The following MAN1A1 variants were observed in gnomAD, a reference collection of about 807,000 sequenced individuals.
The protein encoded by MAN1A1 is mannosyl-oligosaccharide 1,2-alpha-mannosidase IA.
MAN1A1 carries 29 observed loss-of-function variants against 70.8 expected under a neutral mutation model. The ratio of observed to expected loss-of-function variants is 0.41; its 90% confidence interval spans 0.31 to 0.56. MAN1A1 has a LOEUF of 0.56. Among genes scored for constraint, MAN1A1 ranks in the 20% least tolerant of loss-of-function variants. MAN1A1 has a pLI of 0.29. For missense variants in MAN1A1, 747 were observed against 841.3 expected, an observed-to-expected ratio of 0.89 and a Z score of 1.39; for synonymous variants, 349 against 330.1, an observed-to-expected ratio of 1.06 and a Z score of -0.62.
intron 11 of MAN1A1, 74 bp from the exon 12 acceptor site, chr6:119,180,501 G>C (rs1035578551): frequency 1.2e-6 from 1 of 807,248 alleles, no homozygotes; most frequent in Non-Finnish European, 2.1e-6. Flanking sequence ...TTATTAGATT[G>C]TCAAGTTCAG....
At chr6:119,259,545 G>C (rs943073109) in intron 5 of MAN1A1, among the ~76,000 whole-genome samples, 8 of 152,174 alleles carry the variant, frequency 5.3e-5, no homozygotes, top group Non-Finnish European at 1.2e-4. Context: ...CCATTAGGCA[G>C]GTGGTTTGTT....
At chr6:119,215,165 G>A (rs1283030977) in intron 6 of MAN1A1, among the ~76,000 whole-genome samples, 3 of 151,120 alleles carry the variant, frequency 2.0e-5, no homozygotes, top group African/African-American at 4.9e-5. Context: ...AAACCTGCAC[G>A]TTGTGTACAT....
chr6:119,298,368 A>G (rs1371582703), intron 4 of MAN1A1, among the ~76,000 whole-genome samples: 1 of 152,164 alleles, frequency 6.6e-6, no homozygotes, highest in African/African-American at 2.4e-5. Flanking sequence ...TCGACTTCCT[A>G]TGCCCTAATG....
intron 11 of MAN1A1, among the ~76,000 whole-genome samples, chr6:119,184,266 G>A (rs972009588): frequency 2.6e-5 from 4 of 152,170 alleles, no homozygotes; most frequent in African/African-American, 7.2e-5. Context: ...TTGGTTTTGA[G>A]TAAATGCTTC....
chr6:119,220,549 G>C (rs1253536462), intron 6 of MAN1A1, among the ~76,000 whole-genome samples: 1 of 151,994 alleles, frequency 6.6e-6, no homozygotes, highest in Non-Finnish European at 1.5e-5. Context: ...CTTTAAATGA[G>C]GACACTACAA....
chr6:119,270,698 C>T (rs553384375), intron 5 of MAN1A1, among the ~76,000 whole-genome samples: 6 of 152,154 alleles, frequency 3.9e-5, no homozygotes, highest in Non-Finnish European at 7.4e-5. Context: ...GACAATAGCC[C>T]GCTTGTGTCA....
In MAN1A1 at chr6:119,343,619, C is replaced by G. The variant is rs138020280; in HGVS notation, c.603+4844G>C. Among the ~76,000 whole-genome samples, 246 of 152,256 alleles carry G rather than the reference C, an allele frequency of 1.6e-3. 1 individual carries two copies. The highest frequency in any genetic ancestry group is 5.9e-3 in the African/African-American group (243 of 41,536). On this transcript the variant is annotated intron_variant, in intron 2 of 12. Transcript: ENST00000368468. ...CAAGCAAGGAACTAGGCTAAGAATA[C>G]TGAGGGAAAAGTCAAGACTTATTTC...
intron 2 of MAN1A1, 146 bp downstream of exon 2, chr6:119,348,317 A>C (rs760983871): frequency 1.3e-6 from 1 of 756,756 alleles, no homozygotes; most frequent in Non-Finnish European, 2.1e-6. Flanking sequence ...GAAAAGAAAG[A>C]GCTTTTGACA....
chr6:119,223,754 A>G (rs1774429463), intron 6 of MAN1A1, among the ~76,000 whole-genome samples: 1 of 152,120 alleles, frequency 6.6e-6, no homozygotes, highest in South Asian at 2.1e-4. Flanking sequence ...ATTATTGAGG[A>G]TATTTTAAAA....
Position 119,321,513 on chromosome 6 carries a change from C to T in MAN1A1, c.604-14521G>A, listed in dbSNP as rs1243980602. Among the ~76,000 whole-genome samples the T allele has an allele frequency of 3.3e-5, 5 of 152,120 alleles. No homozygotes were observed. The East Asian group carries it at 9.6e-4, about 29-fold the overall frequency. On this transcript the variant is annotated intron_variant, in intron 2 of 12. Coordinates refer to ENST00000368468, the MANE Select transcript of MAN1A1 (RefSeq NM_005907.4). ...GTCCCTCTCGCCTGCTTCCTTGGTC[C>T]TGTCTCAGAAGGTCACCTTCCCAAC...
chr6:119,291,901 CT>C (rs1772040888), intron 4 of MAN1A1, among the ~76,000 whole-genome samples: 1 of 151,968 alleles, frequency 6.6e-6, no homozygotes, highest in African/African-American at 2.4e-5. Flanking sequence ...TATATAGACT[CT>C]TTTAGTCCTC....
intron 4 of MAN1A1, among the ~76,000 whole-genome samples, chr6:119,294,791 A>G (rs1772153046): frequency 6.6e-6 from 1 of 152,094 alleles, no homozygotes; most frequent in Admixed American, 6.6e-5. Flanking sequence ...TCTAAATTGA[A>G]TTCATATAAA....
intron 6 of MAN1A1, among the ~76,000 whole-genome samples, chr6:119,230,284 T>C (rs529095720): frequency 2.0e-5 from 3 of 152,268 alleles, no homozygotes; most frequent in Admixed American, 2.0e-4. Flanking sequence ...GAGACAGGGA[T>C]GAGCAGGAAC....
chr6:119,250,673 T>TGC (rs1441602652), intron 5 of MAN1A1, among the ~76,000 whole-genome samples: 5 of 151,624 alleles, frequency 3.3e-5, no homozygotes, highest in African/African-American at 7.3e-5. Context: ...TGTGTGTGTG[T>TGC]GTGCGTGTCA....
intron 5 of MAN1A1, among the ~76,000 whole-genome samples, chr6:119,263,888 C>T (rs1328168973): frequency 2.0e-5 from 3 of 152,100 alleles, no homozygotes; most frequent in Admixed American, 6.5e-5. Context: ...TTTAACACTC[C>T]ATTTGATAAA....
In MAN1A1 at chr6:119,240,970, T is replaced by TA. The variant is rs560170118; in HGVS notation, c.992+7289dup. 1.7e-3 allele frequency among the ~76,000 whole-genome samples: 254 copies of TA among 152,250 alleles called. 1 individual carries two copies. Among genetic ancestry groups the TA allele is most frequent in the African/African-American group, 6.0e-3 (249 of 41,552 alleles). On this transcript the variant is annotated intron_variant, in intron 6 of 12. Transcript: ENST00000368468. ...TCTGCTTCATTCTTCACAGTACCCT[T>TA]AGGTACAGGGCCAGGTTACCAGCTG...
intron 2 of MAN1A1, among the ~76,000 whole-genome samples, chr6:119,332,514 G>T (rs779130472): frequency 2.0e-5 from 3 of 152,168 alleles, no homozygotes; most frequent in Non-Finnish European, 4.4e-5. Flanking sequence ...GAAATTAATA[G>T]CTGAGGTTTA....
rs11386650 is a variant in MAN1A1, at chr6:119,313,661, T to TAA, written c.604-6671_604-6670dup. On this transcript the variant is annotated intron_variant, in intron 2 of 12. Coordinates refer to ENST00000368468, the MANE Select transcript of MAN1A1 (RefSeq NM_005907.4). ...AATATTACACAGAACCTACTTATAC[T>TAA]AAAAAAAAAAAAAGTTGTTTATCTG... 7.9e-4 allele frequency among the ~76,000 whole-genome samples: 114 copies of TAA among 145,208 alleles called. No individual in the cohort carries two copies. In the East Asian group the frequency reaches 8.8e-3, roughly 11 times the overall value.
intron 6 of MAN1A1, among the ~76,000 whole-genome samples, chr6:119,243,511 A>G (rs1319406248): frequency 1.3e-5 from 2 of 152,096 alleles, no homozygotes; most frequent in Non-Finnish European, 2.9e-5. Context: ...AACCAACTAT[A>G]ATGTAATATT....
Sources: gnomAD v4.1 joint callset for allele counts (sites outside exome capture counted in the v4.1 genomes callset) on GRCh38, gnomAD v4.1.1 for gene constraint, MANE v1.5 for transcripts, NCBI Gene and HGNC (gene_info 2026-07-23, HGNC 2026-07-21) for gene names.